The following CNTN3 variants were observed in gnomAD, a reference collection of about 807,000 sequenced individuals.
The protein encoded by CNTN3 is contactin-3.
Under a neutral mutation model 119.1 loss-of-function variants are expected in CNTN3, and 60 were observed. The ratio of observed to expected loss-of-function variants is 0.50; its 90% CI spans 0.41 to 0.62. The LOEUF (loss-of-function observed/expected upper bound fraction) is 0.62, where lower values mean the gene tolerates loss of function less well. Among genes scored for constraint, CNTN3 ranks in the 20% least tolerant of loss-of-function variants. The probability of loss-of-function intolerance (pLI) is 0.00; values close to 1 mark genes in which losing one functional copy is unlikely to be tolerated. For missense variants in CNTN3, 1,101 were observed against 1,242.4 expected, an observed-to-expected ratio of 0.89 and a Z score of 1.71; for synonymous variants, 450 against 438.7, an observed-to-expected ratio of 1.03 and a Z score of -0.32.
chr3:74,337,682 C>T (rs552292071), intron 11 of CNTN3, among the ~76,000 whole-genome samples: 1 of 152,202 alleles, frequency 6.6e-6, no homozygotes, highest in South Asian at 2.1e-4. Flanking sequence ...AATCATGTCC[C>T]ACCAGGTCCC....
chr3:74,413,559 G>T (rs942288612), intron 5 of CNTN3, among the ~76,000 whole-genome samples: 6 of 152,102 alleles, frequency 3.9e-5, no homozygotes, highest in African/African-American at 1.4e-4. Flanking sequence ...TTTAAAAAAT[G>T]CAAATAAAGT....
At chr3:74,357,147 C>T (rs1703955712) in intron 11 of CNTN3, among the ~76,000 whole-genome samples, 1 of 152,004 alleles carries the variant, frequency 6.6e-6, no homozygotes. Context: ...AGAATGGTCT[C>T]GATCTCCTGA....
At chr3:74,275,423 A>G (rs187051487) in intron 20 of CNTN3, among the ~76,000 whole-genome samples, 130 of 152,336 alleles carry the variant, frequency 8.5e-4, no homozygotes, top group Non-Finnish European at 1.7e-3. Flanking sequence ...CCTATAAATG[A>G]AAACCTATCA....
intron 1 of CNTN3, among the ~76,000 whole-genome samples, chr3:74,578,589 T>C (rs1282516821): frequency 1.3e-5 from 2 of 152,024 alleles, no homozygotes; most frequent in African/African-American, 4.8e-5. Context: ...GAACTTATAG[T>C]GGGCTAAAGA....
At chr3:74,372,782 G>A (rs757674084) in intron 5 of CNTN3, among the ~76,000 whole-genome samples, 1 of 152,084 alleles carries the variant, frequency 6.6e-6, no homozygotes, top group African/African-American at 2.4e-5. Flanking sequence ...TTAGAGGAAG[G>A]ACAGGTGCCA....
At chr3:74,535,292 C>T in intron 1 of CNTN3, among the ~76,000 whole-genome samples, 1 of 152,026 alleles carries the variant, frequency 6.6e-6, no homozygotes. Context: ...TTCACTCTAT[C>T]AACACAGAAG....
chr3:74,613,664 G>A (rs1038467820), intron 1 of CNTN3, among the ~76,000 whole-genome samples: 2 of 152,140 alleles, frequency 1.3e-5, no homozygotes, highest in African/African-American at 2.4e-5. Context: ...TTCATTTCAC[G>A]CGACCAGAAA....
chr3:74,456,696 G>A (rs1476163318), intron 4 of CNTN3, among the ~76,000 whole-genome samples: 1 of 152,018 alleles, frequency 6.6e-6, no homozygotes, highest in Non-Finnish European at 1.5e-5. Context: ...TAAATAGGAA[G>A]CCAATGACTG....
At chr3:74,582,190 A>T (rs1178520110) in intron 1 of CNTN3, among the ~76,000 whole-genome samples, 1 of 152,122 alleles carries the variant, frequency 6.6e-6, no homozygotes, top group African/African-American at 2.4e-5. Flanking sequence ...ATGGATCACA[A>T]GGTCAGGAGA....
chr3:74,473,750 G>T (rs1328104086), intron 4 of CNTN3, among the ~76,000 whole-genome samples: 3 of 152,198 alleles, frequency 2.0e-5, no homozygotes, highest in Non-Finnish European at 4.4e-5. Context: ...TTTAGGAAAT[G>T]ATACTGAAGC....
At chr3:74,414,896 T>TTC (rs1701495373) in intron 5 of CNTN3, among the ~76,000 whole-genome samples, 1 of 151,094 alleles carries the variant, frequency 6.6e-6, no homozygotes, top group Non-Finnish European at 1.5e-5. Context: ...TTTTTTTTTT[T>TTC]TGACCAAAAG....
At chr3:74,559,450 A>C (rs1017883006) in intron 1 of CNTN3, among the ~76,000 whole-genome samples, 32 of 152,162 alleles carry the variant, frequency 2.1e-4, no homozygotes, top group African/African-American at 7.7e-4. Flanking sequence ...CCTTGTTATC[A>C]GGAAGCTTTG....
At chr3:74,435,466 C>T (rs1701851054) in intron 4 of CNTN3, among the ~76,000 whole-genome samples, 1 of 152,150 alleles carries the variant, frequency 6.6e-6, no homozygotes, top group Non-Finnish European at 1.5e-5. Flanking sequence ...CATGAGCCAC[C>T]ACACTGAGCC....
intron 1 of CNTN3, among the ~76,000 whole-genome samples, chr3:74,599,866 T>C (rs1413553157): frequency 4.6e-5 from 7 of 152,170 alleles, no homozygotes; most frequent in South Asian, 2.1e-4. Context: ...TTTGGATAGA[T>C]AGGTCTAGAT....
chr3:74,402,802 T>C (rs376670755), intron 5 of CNTN3, among the ~76,000 whole-genome samples: 1 of 152,216 alleles, frequency 6.6e-6, no homozygotes, highest in African/African-American at 2.4e-5. Context: ...TTACTTTAGA[T>C]GCAATTCAGG....
At chr3:74,287,195 T>C (rs1247822601) in intron 19 of CNTN3, among the ~76,000 whole-genome samples, 3 of 152,234 alleles carry the variant, frequency 2.0e-5, no homozygotes, top group Non-Finnish European at 4.4e-5. Flanking sequence ...ATACAATTTT[T>C]TCCTTCAGAA....
chr3:74,330,845 G>GA (rs199694278), intron 13 of CNTN3, among the ~76,000 whole-genome samples: 2,088 of 145,136 alleles, frequency 0.014, 57 homozygotes, highest in African/African-American at 0.048. Context: ...TGTTCAAAAT[G>GA]AAAAAAAAAA....
At chr3:74,404,161 C>G (rs992357742) in intron 5 of CNTN3, among the ~76,000 whole-genome samples, 1 of 152,064 alleles carries the variant, frequency 6.6e-6, no homozygotes, top group Non-Finnish European at 1.5e-5. Flanking sequence ...TAAATACACA[C>G]AAAATAAGCA....
intron 1 of CNTN3, among the ~76,000 whole-genome samples, chr3:74,535,073 A>AC (rs1215330102): frequency 2.0e-5 from 3 of 152,090 alleles, no homozygotes; most frequent in African/African-American, 7.2e-5. Context: ...ATGGACTCAA[A>AC]CCTAGGTCTC....
Sources: gnomAD v4.1 joint callset for allele counts (sites outside exome capture counted in the v4.1 genomes callset) on GRCh38, gnomAD v4.1.1 for gene constraint, MANE v1.5 for transcripts, NCBI Gene and HGNC (gene_info 2026-07-23, HGNC 2026-07-21) for gene names.